Variants in IP6K1 observed in about 807,000 individuals in gnomAD.
IP6K1 encodes inositol hexakisphosphate kinase 1.
Under a neutral mutation model 38.3 loss-of-function variants are expected in IP6K1, and 13 were observed. That is an observed-to-expected ratio of 0.34 (90% confidence interval 0.22 to 0.54). The LOEUF is 0.54. IP6K1 is among the 20% of genes least tolerant of loss of function. The probability of loss-of-function intolerance (pLI) is 0.92; values close to 1 mark genes in which losing one functional copy is unlikely to be tolerated. For synonymous variants in IP6K1, 212 were observed against 229.9 expected (o/e 0.92, Z 0.70); for missense variants, 397 against 599.8 (o/e 0.66, Z 3.53).
In IP6K1 at chr3:49,748,012, C is replaced by G; in HGVS notation, c.29G>C (p.Gly10Ala). 1.2e-6 allele frequency: 2 copies of G among 1,613,686 alleles called. No individual in the cohort carries two copies. The highest frequency in any genetic ancestry group is 1.7e-6 in the Non-Finnish European group (2 of 1,180,042). MCVCQTMEV[G>A]QYGKNASRAG... ...CCGACTTGCATTCTTGCCATACTGC[C>G]CCACTTCCATGGTTTGACAAACACA... is the stretch of plus-strand genomic sequence containing the variant. Residue 10 changes from glycine (G) to alanine (A), a missense_variant, in exon 2 of 6, where the codon GGG becomes GCG. This residue lies in a region of IP6K1 where 171 missense variants were observed against 237.0 expected (regional missense o/e 0.72). Transcript: ENST00000321599.
chr3:49,732,694 G>C lies in IP6K1; in HGVS notation c.616+97C>G, dbSNP rs577580295. Reference sequence around the variant, plus strand: ...AAAAAGGGAGATTAAACCGAAGAGGGACCCTAGACAAAGACCTCAGCCATA... The same window carrying C: ...AAAAAGGGAGATTAAACCGAAGAGGCACCCTAGACAAAGACCTCAGCCATA... On this transcript the variant is annotated intron_variant, in intron 4 of 5. Coordinates refer to ENST00000321599, the MANE Select transcript of IP6K1 (RefSeq NM_153273.4). 11 of 928,120 alleles carry C rather than the reference G, an allele frequency of 1.2e-5. No individual in the cohort carries two copies. The East Asian group carries it at 2.9e-4, about 24-fold the overall frequency. 57.5% of individuals were successfully genotyped at this position (928,120 alleles called of 1,614,324 possible).
chr3:49,737,461 G>A (rs1054988727), intron 3 of IP6K1, among the ~76,000 whole-genome samples: 4 of 152,166 alleles, frequency 2.6e-5, no homozygotes, highest in Non-Finnish European at 4.4e-5. Context: ...CAAGGCAGGC[G>A]AATCGCCTGA....
At chr3:49,777,226 A>C (rs2081024266) in intron 1 of IP6K1, among the ~76,000 whole-genome samples, 1 of 151,832 alleles carries the variant, frequency 6.6e-6, no homozygotes, top group Admixed American at 6.6e-5. Context: ...ACAGAGCAAG[A>C]CTCTGTCTCC....
At chr3:49,766,758 G>C (rs1429672531) in intron 1 of IP6K1, among the ~76,000 whole-genome samples, 2 of 151,004 alleles carry the variant, frequency 1.3e-5, no homozygotes, top group Non-Finnish European at 1.5e-5. Context: ...ACTAGGTCAG[G>C]AGTTTGAGAC....
chr3:49,754,451 A>G (rs1476696733), intron 1 of IP6K1, among the ~76,000 whole-genome samples: 1 of 152,192 alleles, frequency 6.6e-6, no homozygotes, highest in South Asian at 2.1e-4. Context: ...TGGAAGGCCA[A>G]GGTGGAAGGA....
chr3:49,728,593 T>G lies in IP6K1; in HGVS notation c.617-315A>C, dbSNP rs535675966. 1.4e-4 allele frequency among the ~76,000 whole-genome samples: 21 copies of G among 152,286 alleles called. No individual in the cohort carries two copies. In the South Asian group the frequency reaches 3.3e-3, roughly 24 times the overall value. On this transcript the variant is annotated intron_variant, in intron 4 of 5. Coordinates refer to ENST00000321599, the MANE Select transcript of IP6K1 (RefSeq NM_153273.4). ...TATCTCTAGAACTTTTCTTTTTTTT[T>G]GAAACGGAGTCTCGCTCTGTTACCC...
intron 2 of IP6K1, among the ~76,000 whole-genome samples, chr3:49,746,890 G>T (rs970468307): frequency 3.9e-5 from 6 of 152,224 alleles, no homozygotes; most frequent in African/African-American, 1.4e-4. Flanking sequence ...GTTACCAGGG[G>T]ATCAGATGAT....
intron 4 of IP6K1, 190 bp from the exon 5 acceptor site, chr3:49,728,468 A>G (rs570355435): frequency 2.8e-5 from 16 of 569,524 alleles, no homozygotes; most frequent in African/African-American, 2.6e-4. Flanking sequence ...ATATACATAA[A>G]ATTTACTTCA....
At chr3:49,770,393 G>C (rs1236175779) in intron 1 of IP6K1, among the ~76,000 whole-genome samples, 3 of 152,136 alleles carry the variant, frequency 2.0e-5, no homozygotes, top group Non-Finnish European at 4.4e-5. Context: ...ATGACTCAGA[G>C]ACCAAAATGT....
At chr3:49,761,996 T>C (rs2080872048) in intron 1 of IP6K1, among the ~76,000 whole-genome samples, 1 of 152,138 alleles carries the variant, frequency 6.6e-6, no homozygotes, top group Non-Finnish European at 1.5e-5. Flanking sequence ...CTGTTGCCCA[T>C]GCTGAAGTGG....
chr3:49,778,382 C>T (rs980573856), intron 1 of IP6K1, among the ~76,000 whole-genome samples: 2 of 151,562 alleles, frequency 1.3e-5, no homozygotes, highest in East Asian at 1.9e-4. Flanking sequence ...CCTGTAATCC[C>T]GGCATTTTGG....
intron 1 of IP6K1, among the ~76,000 whole-genome samples, chr3:49,761,147 C>T (rs1349718517): frequency 6.7e-6 from 1 of 150,344 alleles, no homozygotes; most frequent in East Asian, 2.0e-4. Context: ...AACCCTGTCT[C>T]TACTAAAAAT....
chr3:49,780,826 A>C (rs2081059015), intron 1 of IP6K1, among the ~76,000 whole-genome samples: 1 of 152,164 alleles, frequency 6.6e-6, no homozygotes, highest in Non-Finnish European at 1.5e-5. Context: ...CAAGCACTTC[A>C]AGGCAAGGCA....
At chr3:49,759,935 C>G (rs2080854497) in intron 1 of IP6K1, among the ~76,000 whole-genome samples, 1 of 152,196 alleles carries the variant, frequency 6.6e-6, no homozygotes, top group Non-Finnish European at 1.5e-5. Context: ...CAGGGTCTCA[C>G]TCTGTCACCC....
Position 49,728,144 on chromosome 3 carries a change from T to C in IP6K1, c.751A>G (p.Ser251Gly). The change falls in exon 5 of 6, where the codon AGC becomes GGC. Residue 251 changes from serine to glycine, a missense_variant. By Grantham distance (56) the Ser-to-Gly change is moderately conservative. Coordinates refer to ENST00000321599, the MANE Select transcript of IP6K1 (RefSeq NM_153273.4). ...CTGACGCCCAGCGTGGCTGATGTGC[T>C]CTGCTCGCATTTCCGCATCTGCCGG... Reference protein sequence around the residue: ...AARQMRKCEQSTSATLGVRVC... With the variant: ...AARQMRKCEQGTSATLGVRVC... The C allele has an allele frequency of 6.2e-7, 1 of 1,614,146 alleles. No individual in the cohort carries two copies. The highest frequency in any genetic ancestry group is 8.5e-7 in the Non-Finnish European group (1 of 1,180,050).
intron 1 of IP6K1, among the ~76,000 whole-genome samples, chr3:49,757,219 T>C (rs1229221015): frequency 6.6e-6 from 1 of 152,182 alleles, no homozygotes; most frequent in Non-Finnish European, 1.5e-5. Context: ...AAAAGCCTGG[T>C]CTCACACATT....
intron 2 of IP6K1, among the ~76,000 whole-genome samples, chr3:49,740,987 T>G (rs2080663368): frequency 6.6e-6 from 1 of 152,058 alleles, no homozygotes; most frequent in Non-Finnish European, 1.5e-5. Context: ...GAGCGGGGAT[T>G]ACAGGTGCCT....
chr3:49,748,275 T>C (rs1161712288), intron 1 of IP6K1, 107 bp from the exon 2 acceptor site: 2 of 559,608 alleles, frequency 3.6e-6, no homozygotes, highest in Non-Finnish European at 6.4e-6. Context: ...CCCTACTATG[T>C]GTATCCCTAG....
At chr3:49,753,423 A>G (rs2080795713) in intron 1 of IP6K1, among the ~76,000 whole-genome samples, 1 of 152,004 alleles carries the variant, frequency 6.6e-6, no homozygotes, top group East Asian at 1.9e-4. Flanking sequence ...CACCCCCTTT[A>G]ATTGGCTCTT....
Sources: gnomAD v4.1 joint callset for allele counts (sites outside exome capture counted in the v4.1 genomes callset) on GRCh38, gnomAD v4.1.1 for gene constraint, gnomAD v4.1.1 regional missense constraint, MANE v1.5 for transcripts, NCBI Gene and HGNC (gene_info 2026-07-23, HGNC 2026-07-21) for gene names.